UNC5B: variants seen among roughly 807,000 people sequenced by gnomAD.
UNC5B encodes the protein netrin receptor UNC5B.
UNC5B carries 56 observed loss-of-function variants against 103.7 expected under a neutral mutation model. The ratio of observed to expected loss-of-function variants is 0.54; its 90% CI spans 0.44 to 0.67. UNC5B has a LOEUF of 0.67. UNC5B is among the 30% of genes least tolerant of loss of function. The pLI, the probability that UNC5B is intolerant of heterozygous loss-of-function variation, is 0.00. For missense variants in UNC5B, 1,194 were observed against 1,284.5 expected, an observed-to-expected ratio of 0.93 and a Z score of 1.08; for synonymous variants, 577 against 542.0, an observed-to-expected ratio of 1.06 and a Z score of -0.90.
intron 2 of UNC5B, 26 bp downstream of exon 2, chr10:71,280,071 A>G: frequency 6.2e-7 from 1 of 1,607,040 alleles, no homozygotes; most frequent in Non-Finnish European, 8.5e-7. Context: ...TTGCCTGGGC[A>G]CCCCAGGACA....
chr10:71,291,762 G>T lies in UNC5B; in HGVS notation c.1625G>T (p.Gly542Val). ...QQLLGLPRDP[G>V]SSVSGTFGCL... ...CTCTTGGGCCTGCCCCGAGACCCAG[G>T]GAGCAGCGTCAGCGGCACCTTTGGC... The change falls in exon 10 of 17, where the codon GGG becomes GTG. Residue 542 changes from glycine (G) to valine (V), a missense_variant. Gly to Val is a moderately radical substitution (Grantham distance 109). Transcript: ENST00000335350. 1 of 1,609,476 alleles carries T rather than the reference G, an allele frequency of 6.2e-7. No individual in the cohort carries two copies.
chr10:71,280,017 C>CA lies in UNC5B; in HGVS notation c.277dup (p.Thr93AsnfsTer7), dbSNP rs780809162. ...AGTGGGTCAGCCAGAACGACCACGT[C>CA]ACACAGGAAGGCCTGGATGAGGCCA... On this transcript the variant is annotated frameshift_variant, in exon 2 of 17. Coordinates refer to ENST00000335350, the MANE Select transcript of UNC5B (RefSeq NM_170744.5). LOFTEE classifies it high-confidence loss of function. 2 of 1,614,046 alleles carry CA rather than the reference C, an allele frequency of 1.2e-6. No homozygotes were observed. The highest frequency in any genetic ancestry group is 1.7e-6 in the Non-Finnish European group (2 of 1,180,034).
At chr10:71,290,873 C>T in intron 8 of UNC5B, 42 bp from the exon 9 acceptor site, 1 of 1,570,462 alleles carries the variant, frequency 6.4e-7, no homozygotes, top group South Asian at 1.2e-5. Flanking sequence ...GCCCCAGGGC[C>T]TGGTCTCTGC....
chr10:71,227,705 T>TACACACACACAC (rs1457951155), intron 1 of UNC5B, among the ~76,000 whole-genome samples: 2 of 120,668 alleles, frequency 1.7e-5, no homozygotes, highest in African/African-American at 3.3e-5. Flanking sequence ...TATACACACA[T>TACACACACACAC]ATACACACAC....
At chr10:71,247,893 G>A (rs903985386) in intron 1 of UNC5B, among the ~76,000 whole-genome samples, 2 of 152,176 alleles carry the variant, frequency 1.3e-5, no homozygotes. Flanking sequence ...CTTGAGACCT[G>A]GAAAACCCTC....
Position 71,275,308 on chromosome 10 carries a change from G to A in UNC5B, c.80-4513G>A, listed in dbSNP as rs529295565. On this transcript the variant is annotated intron_variant, in intron 1 of 16. Coordinates refer to ENST00000335350, the MANE Select transcript of UNC5B (RefSeq NM_170744.5). ...TCCTGCCAGCAGGAAACCCAGATCC[G>A]GCCTGGCTGAGGCAAGAACTTCTAG... 9.8e-5 allele frequency among the ~76,000 whole-genome samples: 15 copies of A among 152,320 alleles called. No homozygotes were observed. In the East Asian group the frequency reaches 1.4e-3, roughly 14 times the overall value.
intron 1 of UNC5B, among the ~76,000 whole-genome samples, chr10:71,237,583 A>C (rs1843801861): frequency 6.6e-6 from 1 of 152,186 alleles, no homozygotes; most frequent in Non-Finnish European, 1.5e-5. Flanking sequence ...GGAAGTCCTC[A>C]GCACAAAGCT....
At chr10:71,280,401 T>A (rs1383169823) in intron 2 of UNC5B, among the ~76,000 whole-genome samples, 2 of 152,214 alleles carry the variant, frequency 1.3e-5, no homozygotes, top group Non-Finnish European at 2.9e-5. Flanking sequence ...CGACCCAGAA[T>A]TCAATGCAAT....
intron 1 of UNC5B, among the ~76,000 whole-genome samples, chr10:71,262,520 G>A (rs1007754928): frequency 7.9e-5 from 12 of 152,118 alleles, no homozygotes; most frequent in Non-Finnish European, 1.2e-4. Flanking sequence ...AGAGGAGCCC[G>A]CCCGGGAGAC....
chr10:71,292,576 G>C, intron 11 of UNC5B, 22 bp downstream of exon 11: 1 of 1,577,138 alleles, frequency 6.3e-7, no homozygotes, highest in Non-Finnish European at 8.6e-7. Context: ...CCCAGCCGCT[G>C]CTCCTTTTTC....
intron 1 of UNC5B, among the ~76,000 whole-genome samples, chr10:71,248,439 C>T (rs990947664): frequency 6.6e-6 from 1 of 152,200 alleles, no homozygotes; most frequent in African/African-American, 2.4e-5. Context: ...CCTTCTTCCC[C>T]TGAGTTGGCA....
intron 1 of UNC5B, among the ~76,000 whole-genome samples, chr10:71,273,794 G>A (rs548539329): frequency 1.3e-5 from 2 of 152,222 alleles, no homozygotes; most frequent in East Asian, 3.8e-4. Flanking sequence ...CACCAAAACT[G>A]CAAAGGAGGC....
At chr10:71,255,619 G>T (rs981525579) in intron 1 of UNC5B, among the ~76,000 whole-genome samples, 3 of 152,244 alleles carry the variant, frequency 2.0e-5, no homozygotes, top group Admixed American at 6.5e-5. Context: ...TCCCCAGTCA[G>T]ATCTGGAATG....
chr10:71,282,838 C>T (rs558300580), intron 2 of UNC5B, among the ~76,000 whole-genome samples: 21 of 151,784 alleles, frequency 1.4e-4, no homozygotes, highest in Middle Eastern at 6.8e-3. Flanking sequence ...GTTGTGGGGC[C>T]GGGCGCAGTG....
chr10:71,286,706 T>TGAG lies in UNC5B; in HGVS notation c.573_575dup (p.Glu191dup), dbSNP rs764075430. The TGAG allele has an allele frequency of 1.2e-6, 2 of 1,614,168 alleles. No homozygotes were observed. Among genetic ancestry groups the TGAG allele is most frequent in the Admixed American group, 3.3e-5 (2 of 60,022 alleles). ...TCTTGCAGGTGGAATGGCTCAAGAA[T>TGAG]GAGGATGTCATCGACCCCACCCAGG... On this transcript the variant is annotated inframe_insertion, in exon 5 of 17. Coordinates refer to ENST00000335350, the MANE Select transcript of UNC5B (RefSeq NM_170744.5).
intron 1 of UNC5B, among the ~76,000 whole-genome samples, chr10:71,277,507 A>G (rs1431571434): frequency 6.6e-6 from 1 of 152,212 alleles, no homozygotes; most frequent in Non-Finnish European, 1.5e-5. Context: ...CCATCCTGCT[A>G]TCTCAGAGCT....
chr10:71,280,575 A>C (rs953235892), intron 2 of UNC5B, among the ~76,000 whole-genome samples: 2 of 152,226 alleles, frequency 1.3e-5, no homozygotes, highest in Non-Finnish European at 2.9e-5. Flanking sequence ...ATGTAGACCA[A>C]ATCTGGAGGG....
At chr10:71,221,787 G>T (rs562788888) in intron 1 of UNC5B, among the ~76,000 whole-genome samples, 151 of 152,260 alleles carry the variant, frequency 9.9e-4, no homozygotes, top group African/African-American at 3.6e-3. Context: ...ACATTACTTG[G>T]GTTCAAATCC....
chr10:71,216,089 CATTT>C (rs1387906221), intron 1 of UNC5B, among the ~76,000 whole-genome samples: 1 of 152,132 alleles, frequency 6.6e-6, no homozygotes, highest in Non-Finnish European at 1.5e-5. Context: ...TTTTCCAATC[CATTT>C]ATTTAACTGT....
Sources: allele counts gnomAD v4.1 joint callset (sites outside exome capture counted in the v4.1 genomes callset), GRCh38; gene constraint gnomAD v4.1.1; transcripts MANE v1.5; gene names NCBI Gene and HGNC (gene_info 2026-07-23, HGNC 2026-07-21).